The following CPVL variants were observed in gnomAD, a reference collection of about 807,000 sequenced individuals.
CPVL encodes the protein probable serine carboxypeptidase CPVL.
CPVL carries 51 observed loss-of-function variants against 63.7 expected under a neutral mutation model. The ratio of observed to expected loss-of-function variants is 0.80; its 90% CI spans 0.64 to 1.01. CPVL has a LOEUF of 1.01. Among genes scored for constraint, CPVL ranks in the 50% least tolerant of loss-of-function variants. The pLI is 0.00. For missense variants in CPVL, 530 were observed against 573.1 expected (o/e 0.92, Z 0.77); for synonymous variants, 195 against 206.0 (o/e 0.95, Z 0.46).
chr7:29,190,185 A>G (rs1473586203), intron 1 of CPVL, among the ~76,000 whole-genome samples: 1 of 152,232 alleles, frequency 6.6e-6, no homozygotes, highest in African/African-American at 2.4e-5. Context: ...TACAGAGCGA[A>G]ATATTTCTCA....
intron 12 of CPVL, among the ~76,000 whole-genome samples, chr7:29,002,155 T>TA (rs1784705480): frequency 6.6e-6 from 1 of 152,126 alleles, no homozygotes; most frequent in Admixed American, 6.5e-5. Flanking sequence ...TCATTAGTCT[T>TA]ACGGTGCTTG....
intron 7 of CPVL, chr7:29,080,285 C>G (rs549884379): frequency 6.6e-6 from 1 of 152,090 alleles, no homozygotes; most frequent in South Asian, 2.1e-4. Context: ...AGGGGCTGGG[C>G]GCAGTGGCTT....
At chr7:29,071,468 T>TA (rs1329157015) in intron 9 of CPVL, among the ~76,000 whole-genome samples, 3 of 152,150 alleles carry the variant, frequency 2.0e-5, no homozygotes, top group Middle Eastern at 3.2e-3. Flanking sequence ...TTCCATATGA[T>TA]AGAGTCTGCC....
intron 1 of CPVL, among the ~76,000 whole-genome samples, chr7:29,145,466 C>T (rs1792429564): frequency 6.6e-6 from 1 of 152,096 alleles, no homozygotes; most frequent in East Asian, 1.9e-4. Flanking sequence ...TTGCTTGGGA[C>T]CCACTGGGGT....
chr7:29,096,364 C>T, intron 3 of CPVL, 147 bp from the exon 4 acceptor site: 1 of 646,274 alleles, frequency 1.5e-6, no homozygotes, highest in Non-Finnish European at 2.8e-6. Flanking sequence ...TAACCACTCT[C>T]CACTATGAGC....
chr7:29,195,037 C>T (rs759039119), intron 1 of CPVL: 3 of 1,563,642 alleles, frequency 1.9e-6, no homozygotes, highest in Non-Finnish European at 1.7e-6. Flanking sequence ...GGTCTCGCCC[C>T]ACTGCCCTCG....
At chr7:29,175,115 C>T (rs1385037724) in intron 5 of CPVL, among the ~76,000 whole-genome samples, 2 of 151,872 alleles carry the variant, frequency 1.3e-5, no homozygotes, top group East Asian at 1.9e-4. Flanking sequence ...GGAGTGCTTC[C>T]CCCATACTGT....
At chr7:29,078,064 C>T (rs60608833) in intron 7 of CPVL, among the ~76,000 whole-genome samples, 16,027 of 152,128 alleles carry the variant, frequency 0.11, 1,066 homozygotes, top group Middle Eastern at 0.15. Context: ...TAGACATTTC[C>T]AGACCATGCG....
intron 4 of CPVL, among the ~76,000 whole-genome samples, chr7:29,184,270 G>C (rs918279558): frequency 3.3e-5 from 5 of 149,964 alleles, no homozygotes; most frequent in Admixed American, 1.3e-4. Context: ...ATATATAGTG[G>C]ATATATATGA....
intron 11 of CPVL, among the ~76,000 whole-genome samples, chr7:29,032,253 T>C (rs540790639): frequency 2.4e-4 from 36 of 152,152 alleles, no homozygotes; most frequent in Non-Finnish European, 4.0e-4. Context: ...CCAGGACTTT[T>C]ACACACTCCA....
chr7:29,129,481 T>TTC (rs1243356204), intron 1 of CPVL, among the ~76,000 whole-genome samples: 2 of 151,520 alleles, frequency 1.3e-5, no homozygotes, highest in African/African-American at 4.9e-5. Context: ...CATTACTTTT[T>TTC]TTTTTTTTGA....
chr7:29,018,376 A>G (rs1786625426), intron 12 of CPVL, among the ~76,000 whole-genome samples: 1 of 120,318 alleles, frequency 8.3e-6, no homozygotes, highest in Admixed American at 8.3e-5. Context: ...AAAATTTTTA[A>G]TCTTTTTTTT....
intron 5 of CPVL, among the ~76,000 whole-genome samples, chr7:29,163,539 A>G (rs563621274): frequency 1.3e-5 from 2 of 152,276 alleles, no homozygotes; most frequent in Non-Finnish European, 2.9e-5. Flanking sequence ...CTAAGAGACA[A>G]TATCCATTTT....
At chr7:29,074,754 T>A (rs937000640) in intron 7 of CPVL, among the ~76,000 whole-genome samples, 1 of 150,704 alleles carries the variant, frequency 6.6e-6, no homozygotes, top group South Asian at 2.1e-4. Flanking sequence ...CGTAGTACCT[T>A]TACAGCAGCG....
chr7:29,036,641 C>A (rs1201273842), intron 11 of CPVL, among the ~76,000 whole-genome samples: 1 of 152,122 alleles, frequency 6.6e-6, no homozygotes. Flanking sequence ...AAAGTTAGAG[C>A]CATAAATTCA....
chr7:29,054,196 GAT>G (rs1584114769), intron 11 of CPVL, among the ~76,000 whole-genome samples: 1 of 152,086 alleles, frequency 6.6e-6, no homozygotes, highest in East Asian at 1.9e-4. Context: ...CATTAACATT[GAT>G]AAAATATTAT....
chr7:29,097,758 A>G (rs1786590151), intron 3 of CPVL, among the ~76,000 whole-genome samples: 1 of 152,204 alleles, frequency 6.6e-6, no homozygotes, highest in Non-Finnish European at 1.5e-5. Context: ...GGGTGATTTA[A>G]GAGTCATTGG....
chr7:29,175,255 GTC>G (rs1471748596), intron 5 of CPVL, among the ~76,000 whole-genome samples: 1 of 151,436 alleles, frequency 6.6e-6, no homozygotes, highest in Non-Finnish European at 1.5e-5. Context: ...GCTCACTGCA[GTC>G]TCTGACTCCT....
chr7:29,102,477 C>A (rs1337273228), intron 3 of CPVL, among the ~76,000 whole-genome samples: 2 of 152,096 alleles, frequency 1.3e-5, no homozygotes, highest in African/African-American at 4.8e-5. Flanking sequence ...GTAATTCCCT[C>A]ATACTACATA....
Sources: allele counts gnomAD v4.1 joint callset (sites outside exome capture counted in the v4.1 genomes callset), GRCh38; gene constraint gnomAD v4.1.1; transcripts MANE v1.5; gene names NCBI Gene and HGNC (gene_info 2026-07-23, HGNC 2026-07-21).